PRAMEF17: variants seen among roughly 807,000 people sequenced by gnomAD.
PRAMEF17 encodes PRAME family member 17.
PRAMEF17 carries 48 observed loss-of-function variants against 36.8 expected under a neutral mutation model. The ratio of observed to expected loss-of-function variants is 1.30; its 90% CI spans 1.03 to 1.66. The LOEUF (loss-of-function observed/expected upper bound fraction) is 1.66. Ranked by LOEUF, PRAMEF17 falls within the 40% of genes most tolerant of loss-of-function variation. The pLI, the probability that PRAMEF17 is intolerant of heterozygous loss-of-function variation, is 0.00. For synonymous variants in PRAMEF17, 246 were observed against 220.4 expected (o/e 1.12, Z -1.03); for missense variants, 639 against 560.6 (o/e 1.14, Z -1.41).
rs1640869995 is a variant in PRAMEF17 at position 13,390,762 on chromosome 1, C to T, written c.709C>T (p.Leu237Phe). 4 of 1,612,002 alleles carry T rather than the reference C, an allele frequency of 2.5e-6. No homozygotes were observed. Among genetic ancestry groups the T allele is most frequent in the African/African-American group, 2.7e-5 (2 of 74,976 alleles). The stretch of plus-strand genomic sequence containing the variant: ...GAGCCAGATGAGCAATCTTCGCAAA[C>T]TCTTTTTAGCCTTCGGTTATGACGA... ...YLSQMSNLRK[L>F]FLAFGYDDEL... Residue 237 changes from leucine to phenylalanine, a missense_variant, in exon 2 of 3, where the codon CTC (leucine) becomes TTC (phenylalanine). Transcript: ENST00000376098.
Position 13,392,369 on chromosome 1 carries a change from C to T in PRAMEF17, c.1292C>T (p.Ala431Val), listed in dbSNP as rs887963374. 32 of 1,611,836 alleles carry T rather than the reference C, an allele frequency of 2.0e-5. No homozygotes were observed. The African/African-American group carries it at 3.1e-4, about 15-fold the overall frequency. ...GGTCATGTCAATTGGGAGATCCTCG[C>T]CCCAATTCGGGCTGAGCTGATGTGT... ...NRGHVNWEILAPIRAELMCTL... is the reference protein window; with the variant it reads ...NRGHVNWEILVPIRAELMCTL... Residue 431 changes from alanine (A) to valine (V), a missense_variant, in exon 3 of 3, where the codon GCC becomes GTC. By Grantham distance (64) the Ala-to-Val change is moderately conservative. Transcript: ENST00000376098.
rs1370155854 is a variant in PRAMEF17 at position 13,389,750 on chromosome 1, G to T, written c.93G>T (p.Leu31=). 1 of 1,612,406 alleles carries T rather than the reference G, an allele frequency of 6.2e-7. No homozygotes were observed. The highest frequency in any genetic ancestry group is 1.1e-5 in the South Asian group (1 of 90,998). The change falls in exon 1 of 3, where the codon CTG becomes CTT. Residue 31 remains leucine, a synonymous_variant. Coordinates refer to ENST00000376098, the MANE Select transcript of PRAMEF17 (RefSeq NM_001099851.3). ...TGACCATCTTCATCCTGGACGAGCT[G>T]CCCAGGGAGGTCTTCCCTCTGATGT... ...QFLTIFILDE[L]PREVFPLMFM...
In PRAMEF17 at chr1:13,389,856, G is replaced by T; in HGVS notation, c.199G>T (p.Gly67Ter). ...CTGGCCCTTCCTCCGCCTCCCTCTG[G>T]GATCCCTGATGAAGACACCTCATCT... ...QAWPFLRLPL[G>*]SLMKTPHLET... Residue 67 changes from glycine to a stop codon, truncating the protein, a stop_gained, in exon 1 of 3, where the codon GGA becomes TGA. Transcript: ENST00000376098. LOFTEE classifies it high-confidence loss of function. 6.2e-7 allele frequency: 1 copy of T among 1,613,634 alleles called. No individual in the cohort carries two copies. The highest frequency in any genetic ancestry group is 8.5e-7 in the Non-Finnish European group (1 of 1,180,034).
Position 13,389,822 on chromosome 1 carries a change from G to T in PRAMEF17, c.165G>T (p.Met55Ile). The T allele has an allele frequency of 1.2e-6, 2 of 1,613,546 alleles. No individual in the cohort carries two copies. The highest frequency in any genetic ancestry group is 1.7e-6 in the Non-Finnish European group (2 of 1,180,024). Reference protein sequence around the residue: ...SMRHFEALKLMVQAWPFLRLP... With the variant: ...SMRHFEALKLIVQAWPFLRLP... The stretch of plus-strand genomic sequence containing the variant: ...GACATTTTGAGGCCCTGAAGCTGAT[G>T]GTGCAGGCCTGGCCCTTCCTCCGCC... The change falls in exon 1 of 3, where the codon ATG (methionine) becomes ATT (isoleucine). Residue 55 changes from methionine (M) to isoleucine (I), a missense_variant. Coordinates refer to ENST00000376098, the MANE Select transcript of PRAMEF17 (RefSeq NM_001099851.3).
rs1640896129 is a variant in PRAMEF17, at chr1:13,392,291, G to C, written c.1214G>C (p.Ser405Thr). 6.2e-6 allele frequency: 10 copies of C among 1,611,990 alleles called. No homozygotes were observed. Among genetic ancestry groups the C allele is most frequent in the African/African-American group, 4.0e-5 (3 of 74,962 alleles). ...CTGCTGTGTCACACAGGTGGGCTGA[G>C]CAAGTTAGGTCTGGAGTTGTATCCT... ...KDLLCHTGGL[S>T]KLGLELYPAP... Residue 405 changes from serine to threonine, a missense_variant, in exon 3 of 3, where the codon AGC becomes ACC. By Grantham distance (58) the Ser-to-Thr change is moderately conservative (BLOSUM62 1). Transcript: ENST00000376098.
chr1:13,391,957 C>G lies in PRAMEF17; in HGVS notation c.880C>G (p.Pro294Ala). Residue 294 changes from proline (P) to alanine (A), a missense_variant, in exon 3 of 3, where the codon CCC (proline) becomes GCC (alanine). By Grantham distance (27) the Pro-to-Ala change is conservative. Transcript: ENST00000376098. ...LEHLLRCLKN[P>A]LGTFIFCHAY... is the part of the protein sequence containing the mutation. ...TGCTCTCCCCAGGTGCCTCAAGAAC[C>G]CCTTGGGAACCTTTATATTCTGTCA... 1 of 1,611,378 alleles carries G rather than the reference C, an allele frequency of 6.2e-7. No homozygotes were observed.
chr1:13,390,720 A>C lies in PRAMEF17; in HGVS notation c.667A>C (p.Lys223Gln). ...KRKCSLNKTG[K>Q]FAPYLSQMSN... ...AAAGTGCTCTCTGAATAAAACAGGA[A>C]AGTTTGCCCCTTACTTGAGCCAGAT... Residue 223 changes from lysine to glutamine, a missense_variant, in exon 2 of 3, where the codon AAG (lysine) becomes CAG (glutamine). Lys to Gln is a moderately conservative substitution (Grantham distance 53). Transcript: ENST00000376098. 1 of 1,611,982 alleles carries C rather than the reference A, an allele frequency of 6.2e-7. No individual in the cohort carries two copies. Among genetic ancestry groups the C allele is most frequent in the South Asian group, 1.1e-5 (1 of 90,984 alleles).
rs1313693241 is a variant in PRAMEF17 at position 13,392,065 on chromosome 1, A to G, written c.988A>G (p.Ile330Val). Residue 330 changes from isoleucine to valine, a missense_variant, in exon 3 of 3, where the codon ATC (isoleucine) becomes GTC (valine). Transcript: ENST00000376098. Reference protein sequence around the residue: ...SQLKELHLIHILMWTTNLEPL... With the variant: ...SQLKELHLIHVLMWTTNLEPL... ...GCTAAAGGAGCTGCATCTGATTCAT[A>G]TCCTAATGTGGACTACCAATCTTGA... 1.9e-6 allele frequency: 3 copies of G among 1,611,678 alleles called. No individual in the cohort carries two copies. In the East Asian group the frequency reaches 6.7e-5, roughly 36 times the overall value.
intron 2 of PRAMEF17, among the ~76,000 whole-genome samples, chr1:13,391,159 A>G (rs1281697451): frequency 2.6e-5 from 4 of 152,164 alleles, no homozygotes; most frequent in Admixed American, 6.5e-5. Context: ...AGAGACATGC[A>G]GGGAGCTAGT....
In PRAMEF17 at chr1:13,392,233, G is replaced by C. The variant is rs1049650514; in HGVS notation, c.1156G>C (p.Gly386Arg). ...CSQLTTFYFR[G>R]NETSTNALKD... is the part of the protein sequence containing the mutation. ...CCAGCTCACCACCTTCTACTTTCGC[G>C]GAAATGAGACCTCCACGAATGCTCT... The change falls in exon 3 of 3, where the codon GGA becomes CGA. Residue 386 changes from glycine to arginine, a missense_variant. Transcript: ENST00000376098. 4 of 1,611,918 alleles carry C rather than the reference G, an allele frequency of 2.5e-6. No homozygotes were observed. The highest frequency in any genetic ancestry group is 3.4e-6 in the Non-Finnish European group (4 of 1,179,854).
chr1:13,390,881 G>T lies in PRAMEF17; in HGVS notation c.828G>T (p.Lys276Asn), dbSNP rs1372601096. 1 of 1,612,000 alleles carries T rather than the reference G, an allele frequency of 6.2e-7. No homozygotes were observed. Among genetic ancestry groups the T allele is most frequent in the Non-Finnish European group, 8.5e-7 (1 of 1,179,866 alleles). ...LYYPQMLYIR[K>N]ISNIKEHLEH... ...ACCCTCAGATGCTTTATATAAGAAA[G>T]ATCAGTAATATCAAAGAGCACCTGG... The change falls in exon 2 of 3, where the codon AAG (lysine) becomes AAT (asparagine). Residue 276 changes from lysine to asparagine, a missense_variant. By Grantham distance (94) the Lys-to-Asn change is moderately conservative (BLOSUM62 0). Coordinates refer to ENST00000376098, the MANE Select transcript of PRAMEF17 (RefSeq NM_001099851.3).
In PRAMEF17 at chr1:13,392,074, T is replaced by G; in HGVS notation, c.997T>G (p.Trp333Gly). 1 of 1,611,882 alleles carries G rather than the reference T, an allele frequency of 6.2e-7. No homozygotes were observed. Among genetic ancestry groups the G allele is most frequent in the Non-Finnish European group, 8.5e-7 (1 of 1,179,808 alleles). The change falls in exon 3 of 3, where the codon TGG (tryptophan) becomes GGG (glycine). Residue 333 changes from tryptophan to glycine, a missense_variant. By Grantham distance (184) the Trp-to-Gly change is radical. Transcript: ENST00000376098. ...GCTGCATCTGATTCATATCCTAATG[T>G]GGACTACCAATCTTGAGCCCCTTGG... ...KELHLIHILM[W>G]TTNLEPLGAL... is the part of the protein sequence containing the mutation.
In PRAMEF17 at chr1:13,389,695, C is replaced by G. The variant is rs1381218482; in HGVS notation, c.38C>G (p.Ala13Gly). Reference sequence around the variant, plus strand: ...TCCCCATCCAGACTCCTGGAGCTGGCAGGCCAGAGCCTGCTGAGGAACCAG... The same window carrying G: ...TCCCCATCCAGACTCCTGGAGCTGGGAGGCCAGAGCCTGCTGAGGAACCAG... Reference protein sequence around the residue: ...LQSPSRLLELAGQSLLRNQFL... With the variant: ...LQSPSRLLELGGQSLLRNQFL... The change falls in exon 1 of 3, where the codon GCA (alanine) becomes GGA (glycine). Residue 13 changes from alanine (A) to glycine (G), a missense_variant. Physicochemically the swap from Ala to Gly is moderately conservative, Grantham distance 60 (BLOSUM62 0). Transcript: ENST00000376098. The G allele has an allele frequency of 6.2e-7, 1 of 1,612,050 alleles. No homozygotes were observed. The highest frequency in any genetic ancestry group is 8.5e-7 in the Non-Finnish European group (1 of 1,179,890).
chr1:13,392,170 C>G lies in PRAMEF17; in HGVS notation c.1093C>G (p.Gln365Glu). ...TLKDCQIQDSQLRVLLPALSR... is the reference protein window; with the variant it reads ...TLKDCQIQDSELRVLLPALSR... ...AAAGGACTGTCAGATCCAGGACTCC[C>G]AGCTCAGGGTCCTCCTGCCTGCCCT... Residue 365 changes from glutamine (Q) to glutamate (E), a missense_variant, in exon 3 of 3, where the codon CAG (glutamine) becomes GAG (glutamate). Transcript: ENST00000376098. 1 of 1,611,978 alleles carries G rather than the reference C, an allele frequency of 6.2e-7. No homozygotes were observed. The highest frequency in any genetic ancestry group is 8.5e-7 in the Non-Finnish European group (1 of 1,179,824).
At position 13,392,439 on chromosome 1, in the gene PRAMEF17, C is replaced by G; in HGVS notation, c.1362C>G (p.Pro454=). 1 of 1,612,004 alleles carries G rather than the reference C, an allele frequency of 6.2e-7. No homozygotes were observed. Among genetic ancestry groups the G allele is most frequent in the Non-Finnish European group, 8.5e-7 (1 of 1,179,848 alleles). ...AGCCCAAGAGGATCTTTTTTGGTCC[C>G]ATCCCCTGCCCTTCCTGTGGCTCAT... ...VRQPKRIFFG[P]IPCPSCGSWP... The change falls in exon 3 of 3, where the codon CCC becomes CCG. Residue 454 remains proline, a synonymous_variant. Transcript: ENST00000376098.
In PRAMEF17 at chr1:13,390,598, G is replaced by A. The variant is rs1640867384; in HGVS notation, c.545G>A (p.Cys182Tyr). 2.5e-6 allele frequency: 4 copies of A among 1,611,872 alleles called. No individual in the cohort carries two copies. Among genetic ancestry groups the A allele is most frequent in the African/African-American group, 1.3e-5 (1 of 74,844 alleles). ...AGAAGAGGTCTAGTGCACCTGTGTT[G>A]TAATAAGGTGCAGAATTACTCAATG... ...HYRRGLVHLC[C>Y]NKVQNYSMPT... Residue 182 changes from cysteine (C) to tyrosine (Y), a missense_variant, in exon 2 of 3, where the codon TGT (cysteine) becomes TAT (tyrosine). Cys to Tyr is a radical substitution (Grantham distance 194). Transcript: ENST00000376098.
rs1220881001 is a variant in PRAMEF17 at position 13,389,874 on chromosome 1, C to A, written c.217C>A (p.Pro73Thr). The stretch of plus-strand genomic sequence containing the variant: ...CCCTCTGGGATCCCTGATGAAGACA[C>A]CTCATCTGGAGACCTTGCAAGCTGT... ...RLPLGSLMKTPHLETLQAVLK... is the reference protein window; with the variant it reads ...RLPLGSLMKTTHLETLQAVLK... Residue 73 changes from proline (P) to threonine (T), a missense_variant, in exon 1 of 3, where the codon CCT (proline) becomes ACT (threonine). Pro to Thr is a conservative substitution (Grantham distance 38, BLOSUM62 -1). Transcript: ENST00000376098. The A allele has an allele frequency of 6.2e-7, 1 of 1,613,518 alleles. No homozygotes were observed. The highest frequency in any genetic ancestry group is 1.3e-5 in the African/African-American group (1 of 74,914).
chr1:13,392,434 G>A lies in PRAMEF17; in HGVS notation c.1357G>A (p.Gly453Ser). The change falls in exon 3 of 3, where the codon GGT becomes AGT. Residue 453 changes from glycine (G) to serine (S), a missense_variant. Gly to Ser is a moderately conservative substitution (Grantham distance 56). Coordinates refer to ENST00000376098, the MANE Select transcript of PRAMEF17 (RefSeq NM_001099851.3). ...EVRQPKRIFF[G>S]PIPCPSCGSW... The stretch of plus-strand genomic sequence containing the variant: ...CAGGCAGCCCAAGAGGATCTTTTTT[G>A]GTCCCATCCCCTGCCCTTCCTGTGG... 1.2e-6 allele frequency: 2 copies of A among 1,611,922 alleles called. No homozygotes were observed. Among genetic ancestry groups the A allele is most frequent in the East Asian group, 2.2e-5 (1 of 44,868 alleles).
chr1:13,392,186 T>C lies in PRAMEF17; in HGVS notation c.1109T>C (p.Leu370Pro), dbSNP rs1640894448. 6.2e-7 allele frequency: 1 copy of C among 1,611,890 alleles called. No individual in the cohort carries two copies. The highest frequency in any genetic ancestry group is 1.3e-5 in the African/African-American group (1 of 74,854). ...CAGGACTCCCAGCTCAGGGTCCTCC[T>C]GCCTGCCCTGAGCCGCTGCTCCCAG... is the stretch of plus-strand genomic sequence containing the variant. The part of the protein sequence containing the change: ...QIQDSQLRVL[L>P]PALSRCSQLT... The change falls in exon 3 of 3, where the codon CTG (leucine) becomes CCG (proline). Residue 370 changes from leucine (L) to proline (P), a missense_variant. Coordinates refer to ENST00000376098, the MANE Select transcript of PRAMEF17 (RefSeq NM_001099851.3).
Sources: gnomAD v4.1 joint callset for allele counts (sites outside exome capture counted in the v4.1 genomes callset) on GRCh38, gnomAD v4.1.1 for gene constraint, MANE v1.5 for transcripts, NCBI Gene and HGNC (gene_info 2026-07-23, HGNC 2026-07-21) for gene names.